FHIT: variants seen among roughly 807,000 people sequenced by gnomAD.
The protein encoded by FHIT is fragile histidine triad diadenosine triphosphatase.
Under a neutral mutation model 17.9 loss-of-function variants are expected in FHIT, and 19 were observed. The ratio of observed to expected loss-of-function variants is 1.06; its 90% CI spans 0.74 to 1.56. The LOEUF is 1.56. Ranked by LOEUF, FHIT falls within the 40% of genes most tolerant of loss-of-function variation. The pLI is 0.00. For missense variants in FHIT, 248 were observed against 189.2 expected (o/e 1.31, Z -1.82); for synonymous variants, 81 against 69.7 (o/e 1.16, Z -0.81).
chr3:59,799,393 G>A (rs143525321), intron 8 of FHIT, among the ~76,000 whole-genome samples: 2 of 147,064 alleles, frequency 1.4e-5, no homozygotes, highest in East Asian at 4.1e-4. Context: ...CTTAGGGCAC[G>A]GACGTTTGGT....
At chr3:60,536,752 T>C in intron 5 of FHIT, 108 bp downstream of exon 5, 1 of 1,212,576 alleles carries the variant, frequency 8.2e-7, no homozygotes, top group East Asian at 2.6e-5. Context: ...GGATTCTTTA[T>C]TTACCTTTTT....
chr3:60,426,158 A>C (rs879740588), intron 5 of FHIT, among the ~76,000 whole-genome samples: 4 of 152,172 alleles, frequency 2.6e-5, no homozygotes, highest in Admixed American at 6.6e-5. Context: ...ACCTTGGACT[A>C]GTTATGAGTC....
At chr3:61,244,386 T>C (rs925640273) in intron 1 of FHIT, among the ~76,000 whole-genome samples, 6 of 152,186 alleles carry the variant, frequency 3.9e-5, no homozygotes, top group African/African-American at 9.7e-5. Context: ...AATAATCAGA[T>C]ATAATGTGTT....
At chr3:60,680,674 A>G (rs573493484) in intron 4 of FHIT, among the ~76,000 whole-genome samples, 1 of 152,240 alleles carries the variant, frequency 6.6e-6, no homozygotes, top group Admixed American at 6.5e-5. Flanking sequence ...TTTTCAAAAC[A>G]TATTCAGTAG....
rs1289539239 is a variant in FHIT, at chr3:60,569,754, TA to T, written c.-17-32776del. 4.6e-5 allele frequency among the ~76,000 whole-genome samples: 4 copies of T among 86,822 alleles called. 1 individual carries two copies. The highest frequency in any genetic ancestry group is 1.0e-4 in the African/African-American group (2 of 19,726). 57.0% of individuals were successfully genotyped at this position (86,822 alleles called of 152,430 possible). Reference sequence around the variant, plus strand: ...ATATATATATATATATATATATATATATTTTTTTTTTTTTTAGACAGAGTTT... The same window carrying T: ...ATATATATATATATATATATATATATTTTTTTTTTTTTTTAGACAGAGTTT... On this transcript the variant is annotated intron_variant, in intron 4 of 9. Transcript: ENST00000492590.
At chr3:60,602,932 G>A (rs1399080638) in intron 4 of FHIT, among the ~76,000 whole-genome samples, 1 of 152,064 alleles carries the variant, frequency 6.6e-6, no homozygotes, top group Non-Finnish European at 1.5e-5. Flanking sequence ...CAAATCTGCC[G>A]GTACCTTGAT....
intron 8 of FHIT, among the ~76,000 whole-genome samples, chr3:59,863,577 T>G (rs1425544135): frequency 6.6e-6 from 1 of 152,238 alleles, no homozygotes; most frequent in Non-Finnish European, 1.5e-5. Flanking sequence ...CATGCATGAT[T>G]ATTCATTCAC....
intron 3 of FHIT, among the ~76,000 whole-genome samples, chr3:60,903,398 G>A (rs1706223065): frequency 6.6e-6 from 1 of 152,068 alleles, no homozygotes; most frequent in African/African-American, 2.4e-5. Flanking sequence ...TTTTGATTAG[G>A]CTTAGAGAAC....
At chr3:60,326,017 A>T (rs945702791) in intron 5 of FHIT, among the ~76,000 whole-genome samples, 11 of 152,278 alleles carry the variant, frequency 7.2e-5, no homozygotes, top group African/African-American at 2.4e-4. Context: ...TATAACACAG[A>T]AGAGATAAGA....
At chr3:60,143,253 T>C (rs761299953) in intron 5 of FHIT, among the ~76,000 whole-genome samples, 4 of 152,320 alleles carry the variant, frequency 2.6e-5, no homozygotes, top group African/African-American at 9.6e-5. Context: ...CACCTGTATA[T>C]GGCCTCTGGG....
At chr3:60,972,541 C>T (rs1710069187) in intron 3 of FHIT, among the ~76,000 whole-genome samples, 1 of 149,988 alleles carries the variant, frequency 6.7e-6, no homozygotes, top group African/African-American at 2.4e-5. Flanking sequence ...TACAATATGC[C>T]TCCATATTTT....
intron 4 of FHIT, among the ~76,000 whole-genome samples, chr3:60,565,165 C>T (rs1431761442): frequency 6.6e-6 from 1 of 152,078 alleles, no homozygotes; most frequent in Non-Finnish European, 1.5e-5. Context: ...AATGATATTG[C>T]ATACTTAATA....
intron 5 of FHIT, among the ~76,000 whole-genome samples, chr3:60,333,331 C>T (rs956601918): frequency 6.6e-5 from 10 of 152,190 alleles, no homozygotes; most frequent in African/African-American, 2.4e-4. Context: ...AACCATTAGG[C>T]TATTTCCCAA....
At chr3:61,224,819 G>A (rs755639599) in intron 1 of FHIT, among the ~76,000 whole-genome samples, 25 of 152,142 alleles carry the variant, frequency 1.6e-4, no homozygotes, top group East Asian at 5.8e-4. Context: ...CACTCAAATC[G>A]GCAGCATGTA....
intron 4 of FHIT, among the ~76,000 whole-genome samples, chr3:60,657,872 C>G (rs1350618259): frequency 2.0e-5 from 3 of 152,100 alleles, no homozygotes; most frequent in African/African-American, 7.2e-5. Context: ...TTTCCTGATC[C>G]AATTTTTCTG....
chr3:61,064,179 G>A (rs74896939), intron 2 of FHIT, among the ~76,000 whole-genome samples: 5,065 of 152,190 alleles, frequency 0.033, 282 homozygotes, highest in African/African-American at 0.11. Context: ...AAGAGAAATC[G>A]AAAGATATCT....
At chr3:59,814,013 C>G (rs990229031) in intron 8 of FHIT, among the ~76,000 whole-genome samples, 5 of 149,574 alleles carry the variant, frequency 3.3e-5, no homozygotes, top group Non-Finnish European at 7.4e-5. Context: ...ACGGATTCAT[C>G]CGACTGCCCT....
At chr3:60,906,917 C>T (rs565210179) in intron 3 of FHIT, among the ~76,000 whole-genome samples, 1 of 152,248 alleles carries the variant, frequency 6.6e-6, no homozygotes, top group Non-Finnish European at 1.5e-5. Flanking sequence ...TCTGATTACA[C>T]TGATGGTCAT....
chr3:59,891,972 CTAAAAACAAA>C (rs2107018075), intron 8 of FHIT, among the ~76,000 whole-genome samples: 1 of 152,208 alleles, frequency 6.6e-6, no homozygotes, highest in Admixed American at 6.5e-5. Flanking sequence ...TGTCTCCAAA[CTAAAAACAAA>C]AAGATGAAAG....
Sources: allele counts gnomAD v4.1 joint callset (sites outside exome capture counted in the v4.1 genomes callset), GRCh38; gene constraint gnomAD v4.1.1; transcripts MANE v1.5; gene names NCBI Gene and HGNC (gene_info 2026-07-23, HGNC 2026-07-21).